The following PHKA2 variants were observed in gnomAD, a reference collection of about 807,000 sequenced individuals.
PHKA2 encodes phosphorylase kinase regulatory subunit alpha 2.
In PHKA2, 31 loss-of-function variants were observed where a neutral mutation model predicts 102.0. That is an observed-to-expected ratio of 0.30 (90% CI 0.23 to 0.41). The LOEUF (loss-of-function observed/expected upper bound fraction) is 0.41, where lower values mean the gene tolerates loss of function less well. Ranked by LOEUF, PHKA2 falls within the 10% of genes least tolerant of loss-of-function variation. PHKA2 has a pLI of 1.00. For missense variants in PHKA2, 858 were observed against 1,023.1 expected (o/e 0.84, Z 2.20); for synonymous variants, 455 against 416.2 (o/e 1.09, Z -1.13).
At chrX:18,913,206 G>A (rs1293275122) in intron 19 of PHKA2, among the ~76,000 whole-genome samples, 2 of 111,416 alleles carry the variant, frequency 1.8e-5, no homozygotes, top group African/African-American at 3.3e-5. Context: ...GTGAGTGAAT[G>A]TGAAGGCCTA....
chrX:18,931,592 G>T, intron 12 of PHKA2, 49 bp downstream of exon 12: 1 of 913,553 alleles, frequency 1.1e-6, no homozygotes, highest in Non-Finnish European at 1.6e-6. Flanking sequence ...GGGGTTCCCT[G>T]AACCTCCAAT....
intron 4 of PHKA2, among the ~76,000 whole-genome samples, chrX:18,949,867 T>A (rs1311528636): frequency 3.6e-5 from 4 of 112,641 alleles, no homozygotes; most frequent in African/African-American, 1.3e-4. Context: ...AAATGTGTGA[T>A]TTATTCACAC....
At chrX:18,906,458 G>A (rs1346952316) in intron 25 of PHKA2, 37 bp downstream of exon 25, 2 of 1,208,907 alleles carry the variant, frequency 1.7e-6, no homozygotes, top group Non-Finnish European at 2.2e-6. Context: ...GTTGGGGTGG[G>A]GTGCGGCGGG....
intron 19 of PHKA2, among the ~76,000 whole-genome samples, chrX:18,911,742 A>G (rs1235303653): frequency 8.9e-6 from 1 of 112,850 alleles, no homozygotes. Context: ...TGGGAATAAG[A>G]AGTGAGCAGG....
intron 19 of PHKA2, among the ~76,000 whole-genome samples, chrX:18,914,023 G>C (rs1407901843): frequency 1.8e-5 from 2 of 112,705 alleles, no homozygotes; most frequent in East Asian, 5.6e-4. Context: ...ACGCAAACCA[G>C]CAACATACTT....
chrX:18,911,300 A>T (rs941865587), intron 19 of PHKA2, among the ~76,000 whole-genome samples: 1 of 110,562 alleles, frequency 9.0e-6, no homozygotes, highest in Non-Finnish European at 1.9e-5. Context: ...CGGCCTCCCA[A>T]ATAGCTGGGA....
At chrX:18,905,734 C>T (rs373362768) in intron 26 of PHKA2, 24 bp downstream of exon 26, 107 of 1,028,833 alleles carry the variant, frequency 1.0e-4, no homozygotes, top group East Asian at 4.9e-4. Flanking sequence ...TCCCTGAAGA[C>T]GTTAACAGGA....
Position 18,905,870 on chromosome X carries a change from A to G in PHKA2, c.2807-11T>C, listed in dbSNP as rs762209192. On this transcript the variant is annotated splice_polypyrimidine_tract_variant and intron_variant, in intron 25 of 32. Coordinates refer to ENST00000379942, the MANE Select transcript of PHKA2 (RefSeq NM_000292.3). ...CAGAAGCCTCTTCTCCTAAAAACAA[A>G]TATCTTGTAAGTGTCCCAAACACAG... is the stretch of plus-strand genomic sequence containing the variant. 4.1e-5 allele frequency: 47 copies of G among 1,141,668 alleles called. No individual in the cohort carries two copies. In the Admixed American group the frequency reaches 1.0e-3, roughly 25 times the overall value. 94.1% of individuals were successfully genotyped at this position (1,141,668 alleles called of 1,213,427 possible). A position where few individuals can be genotyped will look rare whatever the true frequency, so the allele number is the denominator to read the frequency against.
Position 18,943,698 on chromosome X carries a change from A to G in PHKA2, c.717+12T>C. On this transcript the variant is annotated intron_variant, in intron 7 of 32. Transcript: ENST00000379942. ...CTCCTTCCCTGCTCTCTGAAATGCAAGAGGCTATTACCTGGCAGTGCTCGA... is the reference window on the plus strand; with the variant it reads ...CTCCTTCCCTGCTCTCTGAAATGCAGGAGGCTATTACCTGGCAGTGCTCGA... 8.6e-7 allele frequency: 1 copy of G among 1,169,361 alleles called. No homozygotes were observed. The highest frequency in any genetic ancestry group is 1.8e-5 in the African/African-American group (1 of 57,028).
intron 1 of PHKA2, among the ~76,000 whole-genome samples, chrX:18,956,696 T>C (rs1014765103): frequency 8.9e-6 from 1 of 112,452 alleles, no homozygotes; most frequent in African/African-American, 3.2e-5. Flanking sequence ...TTCAGAACCA[T>C]ACACATACAT....
At chrX:18,924,029 A>G (rs377554072) in intron 17 of PHKA2, 27 bp downstream of exon 17, 20 of 1,054,322 alleles carry the variant, frequency 1.9e-5, no homozygotes, top group Admixed American at 4.4e-5. Context: ...TGCTACTCTT[A>G]TATTTTTTAA....
intron 1 of PHKA2, among the ~76,000 whole-genome samples, chrX:18,980,263 C>G (rs925361856): frequency 1.8e-5 from 2 of 112,556 alleles, no homozygotes; most frequent in Non-Finnish European, 3.8e-5. Flanking sequence ...CCTCATGGGA[C>G]GGGAAAGACC....
intron 2 of PHKA2, 110 bp from the exon 3 acceptor site, chrX:18,952,651 A>G (rs1431301010): frequency 4.3e-6 from 3 of 690,867 alleles, no homozygotes; most frequent in Non-Finnish European, 7.0e-6. Context: ...ACTGCCCTGG[A>G]AAGGCCAGTC....
At chrX:18,922,342 A>C (rs936579366) in intron 17 of PHKA2, among the ~76,000 whole-genome samples, 3 of 112,301 alleles carry the variant, frequency 2.7e-5, no homozygotes, top group African/African-American at 9.7e-5. Context: ...AACTGAAGCA[A>C]ATTGGAGGTA....
chrX:18,901,693 T>G, intron 26 of PHKA2, 90 bp from the exon 27 acceptor site: 1 of 609,802 alleles, frequency 1.6e-6, no homozygotes, highest in Non-Finnish European at 2.8e-6. Flanking sequence ...CACTTGACAA[T>G]GAGGGCCTTC....
chrX:18,955,225 G>A (rs2147997532), intron 1 of PHKA2, among the ~76,000 whole-genome samples: 1 of 112,415 alleles, frequency 8.9e-6, no homozygotes, highest in South Asian at 3.6e-4. Context: ...CACCCTAAGT[G>A]AAAGAAGCCA....
chrX:18,941,405 T>C, intron 8 of PHKA2, 124 bp downstream of exon 8: 1 of 648,530 alleles, frequency 1.5e-6, no homozygotes, highest in Non-Finnish European at 2.6e-6. Context: ...AGACTCAGCT[T>C]TGAACGCTGT....
chrX:18,935,443 A>G (rs1399072035), intron 11 of PHKA2, among the ~76,000 whole-genome samples: 1 of 111,436 alleles, frequency 9.0e-6, no homozygotes. Flanking sequence ...CACGGTGCAC[A>G]ATGGGTTTAC....
intron 18 of PHKA2, 34 bp downstream of exon 18, chrX:18,919,998 A>C (rs755121285): frequency 9.0e-7 from 1 of 1,110,602 alleles, no homozygotes; most frequent in South Asian, 1.8e-5. Flanking sequence ...AAATAAATTC[A>C]GCGAACTACC....
Sources: gnomAD v4.1 joint callset for allele counts (sites outside exome capture counted in the v4.1 genomes callset) on GRCh38, gnomAD v4.1.1 for gene constraint, MANE v1.5 for transcripts, NCBI Gene and HGNC (gene_info 2026-07-23, HGNC 2026-07-21) for gene names.